The following BCL3 variants were observed in gnomAD, a reference collection of about 807,000 sequenced individuals.
The protein encoded by BCL3 is B-cell lymphoma 3 protein.
A neutral mutation model predicts 35.7 loss-of-function variants in BCL3; 15 were observed. The observed-to-expected ratio is 0.42, with a 90% CI of 0.28 to 0.65. The LOEUF (loss-of-function observed/expected upper bound fraction) is 0.65, where lower values mean the gene tolerates loss of function less well. Among genes scored for constraint, BCL3 ranks in the 30% least tolerant of loss-of-function variants. BCL3 has a pLI of 0.22. For synonymous variants in BCL3, 311 were observed against 284.3 expected, an observed-to-expected ratio of 1.09 and a Z score of -0.95; for missense variants, 565 against 641.7, an observed-to-expected ratio of 0.88 and a Z score of 1.29.
Position 44,751,391 on chromosome 19 carries a change from GT to G in BCL3, c.410+12del, listed in dbSNP as rs775687244. On this transcript the variant is annotated intron_variant, in intron 2 of 8. Transcript: ENST00000164227. Reference sequence around the variant, plus strand: ...TGAGGACGGAGACACGTGAGTGACAGTCCCCTATTAAGGGGAGGGGTGGTTG... The same window carrying G: ...TGAGGACGGAGACACGTGAGTGACAGCCCCTATTAAGGGGAGGGGTGGTTG... The G allele has an allele frequency of 3.8e-6, 6 of 1,560,858 alleles. No homozygotes were observed. The Admixed American group carries it at 1.3e-4, about 33-fold the overall frequency.
In BCL3 at chr19:44,758,839, A is replaced by G. The variant is rs1412107460; in HGVS notation, c.1175A>G (p.Asn392Ser). The G allele has an allele frequency of 3.1e-6, 5 of 1,591,804 alleles. No individual in the cohort carries two copies. Among genetic ancestry groups the G allele is most frequent in the Admixed American group, 1.8e-5 (1 of 56,208 alleles). ...GAGAGCAGCAGCCGCCTCAGCTCCA[A>G]TGGTGAGAAACCGTTCCCAACCTCC... ...SPESSSRLSS[N>S]GLLSASPSSS... is the part of the protein sequence containing the mutation. The change falls in exon 8 of 9, where the codon AAT becomes AGT. Residue 392 changes from asparagine (N) to serine (S), a missense_variant and splice_region_variant. Physicochemically the swap from Asn to Ser is conservative, Grantham distance 46. Around this residue, in one of 5 missense-constraint regions of BCL3, gnomAD observed 151 missense variants for 138.1 expected, o/e 1.09. Coordinates refer to ENST00000164227, the MANE Select transcript of BCL3 (RefSeq NM_005178.5).
intron 2 of BCL3, among the ~76,000 whole-genome samples, chr19:44,754,186 AAAG>A (rs1295576694): frequency 6.6e-6 from 1 of 152,160 alleles, no homozygotes; most frequent in Non-Finnish European, 1.5e-5. Flanking sequence ...CCTTATTCTT[AAAG>A]AAGAGTTAGG....
In BCL3 at chr19:44,758,822, C is replaced by T; in HGVS notation, c.1158C>T (p.Ser386=). 1 of 1,600,350 alleles carries T rather than the reference C, an allele frequency of 6.2e-7. No homozygotes were observed. The highest frequency in any genetic ancestry group is 8.5e-7 in the Non-Finnish European group (1 of 1,174,560). The change falls in exon 8 of 9, where the codon AGC becomes AGT. Residue 386 remains serine, a synonymous_variant. Coordinates refer to ENST00000164227, the MANE Select transcript of BCL3 (RefSeq NM_005178.5). ...DRSANTSPES[S]SRLSSNGLLS... ...GCGCCAACACCTCCCCCGAGAGCAG[C>T]AGCCGCCTCAGCTCCAATGGTGAGA...
chr19:44,759,368 C>A, intron 8 of BCL3, 60 bp from the exon 9 acceptor site: 5 of 1,389,728 alleles, frequency 3.6e-6, no homozygotes, highest in Non-Finnish European at 5.1e-6. Context: ...CAGGCCCCAG[C>A]CCCTGCTCTC....
Position 44,757,735 on chromosome 19 carries a change from C to A in BCL3, c.891+12C>A. The A allele has an allele frequency of 6.2e-7, 1 of 1,612,890 alleles. No individual in the cohort carries two copies. The highest frequency in any genetic ancestry group is 8.5e-7 in the Non-Finnish European group (1 of 1,179,288). On this transcript the variant is annotated intron_variant, in intron 6 of 8. Transcript: ENST00000164227. This position sits in a 1 kb window ranked among gnomAD's most constrained non-coding sequence, Gnocchi z 8.4. Reference sequence around the variant, plus strand: ...AGCTGCTGCTGCAGGTGCGTACAGCCCCCCTGAGCCTCGCGCCCACCCTAT... The same window carrying A: ...AGCTGCTGCTGCAGGTGCGTACAGCACCCCTGAGCCTCGCGCCCACCCTAT...
intron 2 of BCL3, 49 bp downstream of exon 2, chr19:44,751,429 C>T (rs373856407): frequency 3.1e-5 from 47 of 1,505,808 alleles, no homozygotes; most frequent in African/African-American, 2.7e-4. Flanking sequence ...GAAGACCAGC[C>T]GTCCATAACA....
At chr19:44,755,074 A>G (rs2122294411) in intron 2 of BCL3, 1 of 152,558 alleles carries the variant, frequency 6.6e-6, no homozygotes, top group Non-Finnish European at 1.5e-5. Flanking sequence ...CACTGTGTAC[A>G]CGCAGTCCTC....
upstream of BCL3, chr19:44,748,407 C>G (rs1323923616): frequency 6.3e-6 from 1 of 159,058 alleles, no homozygotes. Context: ...GAGAGCGGCC[C>G]TTGGCAGCAG....
chr19:44,758,825 C>A lies in BCL3; in HGVS notation c.1161C>A (p.Ser387Arg). Residue 387 changes from serine to arginine, a missense_variant, in exon 8 of 9, where the codon AGC becomes AGA. Physicochemically the swap from Ser to Arg is moderately radical, Grantham distance 110. Around this residue, in one of 5 missense-constraint regions of BCL3, gnomAD observed 151 missense variants for 138.1 expected, o/e 1.09. Transcript: ENST00000164227. The part of the protein sequence containing the change: ...RSANTSPESS[S>R]RLSSNGLLSA... ...CCAACACCTCCCCCGAGAGCAGCAG[C>A]CGCCTCAGCTCCAATGGTGAGAAAC... The A allele has an allele frequency of 6.2e-7, 1 of 1,600,436 alleles. No homozygotes were observed. Among genetic ancestry groups the A allele is most frequent in the South Asian group, 1.1e-5 (1 of 89,246 alleles).
chr19:44,747,818 CTT>C (rs1967093781), upstream of BCL3: 1 of 1,118,820 alleles, frequency 8.9e-7, no homozygotes, highest in Admixed American at 4.8e-5. Context: ...CTCCATGTCT[CTT>C]TCTCTCTGTG....
chr19:44,751,230 C>A lies in BCL3; in HGVS notation c.260C>A (p.Ala87Asp). The stretch of plus-strand genomic sequence containing the variant: ...TTCTCTGTCCTCCATTGTCCAGGAG[C>A]CTTACTGCCTTTGTACCCCACTCGG... ...ARPEALYYPG[A>D]LLPLYPTRAM... The change falls in exon 2 of 9, where the codon GCC becomes GAC. Residue 87 changes from alanine (A) to aspartate (D), a missense_variant. Around this residue, in one of 5 missense-constraint regions of BCL3, gnomAD observed 267 missense variants for 281.5 expected, o/e 0.95. Coordinates refer to ENST00000164227, the MANE Select transcript of BCL3 (RefSeq NM_005178.5). The A allele has an allele frequency of 1.2e-6, 2 of 1,610,006 alleles. No individual in the cohort carries two copies. Among genetic ancestry groups the A allele is most frequent in the Non-Finnish European group, 1.7e-6 (2 of 1,178,402 alleles).
In BCL3 at chr19:44,757,480, G is replaced by A; in HGVS notation, c.813+65G>A. On this transcript the variant is annotated intron_variant, in intron 5 of 8. Coordinates refer to ENST00000164227, the MANE Select transcript of BCL3 (RefSeq NM_005178.5). This position sits in a 1 kb window ranked among gnomAD's most constrained non-coding sequence, Gnocchi z 8.4. Reference sequence around the variant, plus strand: ...GCAGGGGCGGGGTCTTGGCGGGGGCGGGGCCAGTGTGGGGCTGGCGTGGGA... The same window carrying A: ...GCAGGGGCGGGGTCTTGGCGGGGGCAGGGCCAGTGTGGGGCTGGCGTGGGA... 6.7e-7 allele frequency: 1 copy of A among 1,485,168 alleles called. No individual in the cohort carries two copies. Among genetic ancestry groups the A allele is most frequent in the Non-Finnish European group, 9.2e-7 (1 of 1,092,304 alleles). The allele number at this position is 1,485,168 out of a possible 1,614,324, so 92.0% of individuals were successfully genotyped here.
intron 7 of BCL3, 24 bp downstream of exon 7, chr19:44,758,437 T>C: frequency 6.5e-7 from 1 of 1,534,952 alleles, no homozygotes; most frequent in Non-Finnish European, 8.8e-7. Context: ...GCTGTGGACA[T>C]GCCCCTTGCA....
At chr19:44,753,450 G>T (rs1425164853) in intron 2 of BCL3, among the ~76,000 whole-genome samples, 1 of 152,170 alleles carries the variant, frequency 6.6e-6, no homozygotes, top group Non-Finnish European at 1.5e-5. Flanking sequence ...CCTGCTGGGG[G>T]AAATCCCTTC....
chr19:44,759,874 A>C lies in BCL3; in HGVS notation c.*259A>C. 2.5e-6 allele frequency: 1 copy of C among 406,134 alleles called. No individual in the cohort carries two copies. 25.2% of individuals were successfully genotyped at this position (406,134 alleles called of 1,614,324 possible). Reference sequence around the variant, plus strand: ...GTCCGGAATGCCACCCACATCTTCCATTTCCATGTCCCCTCCCAGAGCTGG... The same window carrying C: ...GTCCGGAATGCCACCCACATCTTCCCTTTCCATGTCCCCTCCCAGAGCTGG... On this transcript the variant is annotated 3_prime_UTR_variant, in exon 9 of 9. Transcript: ENST00000164227.
rs762913766 is a variant in BCL3 at position 44,757,400 on chromosome 19, C to G, written c.798C>G (p.Ala266=). The G allele has an allele frequency of 2.5e-6, 4 of 1,599,666 alleles. No homozygotes were observed. Among genetic ancestry groups the G allele is most frequent in the East Asian group, 2.3e-5 (1 of 43,788 alleles). Residue 266 remains alanine (A), a synonymous_variant, in exon 5 of 9, where the codon GCC becomes GCG. Transcript: ENST00000164227. The surrounding 1 kb of genome is among the most constrained non-coding windows in gnomAD (Gnocchi z 8.4). The part of the protein sequence containing the change: ...ETVQLLLERG[A]DIDAVDIKSG... ...TGCAGCTCTTGCTAGAGCGCGGTGC[C>G]GACATCGACGCAGTGGTGAGCGTGC...
Position 44,751,393 on chromosome 19 carries a change from C to A in BCL3, c.410+13C>A, listed in dbSNP as rs761279156. 4 of 1,558,864 alleles carry A rather than the reference C, an allele frequency of 2.6e-6. No homozygotes were observed. In the African/African-American group the frequency reaches 4.2e-5, roughly 16 times the overall value. ...AGGACGGAGACACGTGAGTGACAGTCCCCTATTAAGGGGAGGGGTGGTTGG... is the reference window on the plus strand; with the variant it reads ...AGGACGGAGACACGTGAGTGACAGTACCCTATTAAGGGGAGGGGTGGTTGG... On this transcript the variant is annotated intron_variant, in intron 2 of 8. Coordinates refer to ENST00000164227, the MANE Select transcript of BCL3 (RefSeq NM_005178.5).
chr19:44,748,748 A>T lies in BCL3; in HGVS notation c.-43A>T. On this transcript the variant is annotated 5_prime_UTR_variant, in exon 1 of 9. Transcript: ENST00000164227. ...GCCCGGCGAAACCACCCTCCCGTGC[A>T]GCCGAGCCCAGCCGCTCTCCGGCCG... The T allele has an allele frequency of 9.2e-7, 1 of 1,081,388 alleles. No homozygotes were observed. The highest frequency in any genetic ancestry group is 4.4e-5 in the South Asian group (1 of 22,710). The allele number at this position is 1,081,388 out of a possible 1,614,324, so 67.0% of individuals were successfully genotyped here. A position where few individuals can be genotyped will look rare whatever the true frequency, so the allele number is the denominator to read the frequency against.
intron 7 of BCL3, 146 bp from the exon 8 acceptor site, chr19:44,758,578 G>A (rs1259313282): frequency 8.7e-6 from 11 of 1,266,698 alleles, no homozygotes; most frequent in Non-Finnish European, 1.2e-5. Context: ...AATGAGGAGA[G>A]ACTGGCACCA....
Sources: gnomAD v4.1 joint callset for allele counts (sites outside exome capture counted in the v4.1 genomes callset) on GRCh38, gnomAD v4.1.1 for gene constraint, gnomAD v4.1.1 regional missense constraint, Gnocchi (gnomAD v3.1) non-coding constraint, MANE v1.5 for transcripts, NCBI Gene and HGNC (gene_info 2026-07-23, HGNC 2026-07-21) for gene names.